CSMD1: variants seen among roughly 807,000 people sequenced by gnomAD.
CSMD1 encodes the protein CUB and sushi domain-containing protein 1.
In CSMD1, 213 loss-of-function variants were observed where a neutral mutation model predicts 417.5. The ratio of observed to expected loss-of-function variants is 0.51; its 90% confidence interval spans 0.46 to 0.57. CSMD1 has a LOEUF of 0.57. CSMD1 is among the 20% of genes least tolerant of loss of function. CSMD1 has a pLI of 0.00. For synonymous variants in CSMD1, 2,862 were observed against 1,736.8 expected (o/e 1.65, Z -16.11); for missense variants, 6,923 against 4,529.7 (o/e 1.53, Z -15.17).
At chr8:3,299,768 G>C (rs1487796434) in intron 25 of CSMD1, among the ~76,000 whole-genome samples, 2 of 152,100 alleles carry the variant, frequency 1.3e-5, no homozygotes, top group Admixed American at 6.5e-5. Context: ...ACATAGGAAA[G>C]GTATAAACAG....
chr8:3,291,178 C>T lies in CSMD1; in HGVS notation c.3951-6832G>A, dbSNP rs570543240. 9.4e-4 allele frequency among the ~76,000 whole-genome samples: 143 copies of T among 152,304 alleles called. 1 individual carries two copies. Among genetic ancestry groups the T allele is most frequent in the Admixed American group, 9.2e-3 (140 of 15,300 alleles). On this transcript the variant is annotated intron_variant, in intron 25 of 69. Coordinates refer to ENST00000635120, the MANE Select transcript of CSMD1 (RefSeq NM_033225.6). ...CCTTGCATCCCAGGGATGAAACCCA[C>T]TTGATCATTGTGGATAAACTTTTTG...
chr8:4,173,132 A>T (rs1159598204), intron 3 of CSMD1, among the ~76,000 whole-genome samples: 1 of 152,202 alleles, frequency 6.6e-6, no homozygotes, highest in African/African-American at 2.4e-5. Flanking sequence ...ATACAGTGCA[A>T]CAAGTATAGG....
intron 26 of CSMD1, among the ~76,000 whole-genome samples, chr8:3,271,211 G>C (rs1012916535): frequency 6.6e-6 from 1 of 151,746 alleles, no homozygotes; most frequent in Non-Finnish European, 1.5e-5. Context: ...AGTTTACTGA[G>C]AATGATGATT....
chr8:4,931,087 A>G (rs1282645667), intron 1 of CSMD1, among the ~76,000 whole-genome samples: 1 of 152,236 alleles, frequency 6.6e-6, no homozygotes, highest in African/African-American at 2.4e-5. Flanking sequence ...AAATTCAGGC[A>G]ATTATATAGA....
intron 2 of CSMD1, among the ~76,000 whole-genome samples, chr8:4,452,542 A>G (rs1799210860): frequency 6.6e-6 from 1 of 152,196 alleles, no homozygotes; most frequent in Non-Finnish European, 1.5e-5. Flanking sequence ...TATAAAAATA[A>G]TTCACTTTTT....
chr8:3,820,380 C>G (rs1801661445), intron 5 of CSMD1, among the ~76,000 whole-genome samples: 1 of 152,006 alleles, frequency 6.6e-6, no homozygotes, highest in South Asian at 2.1e-4. Flanking sequence ...AACTGAGTAC[C>G]AAAGAAGGAC....
Position 4,354,865 on chromosome 8 carries a change from AGTGTGTGTGTGTGT to A in CSMD1, c.415+65074_415+65087del, listed in dbSNP as rs59255397. 7.3e-3 allele frequency among the ~76,000 whole-genome samples: 951 copies of A among 129,502 alleles called. 8 individuals carry two copies. Among genetic ancestry groups the A allele is most frequent in the African/African-American group, 0.025 (877 of 35,708 alleles). 85.0% of individuals were successfully genotyped at this position (129,502 alleles called of 152,430 possible). A position where few individuals can be genotyped will look rare whatever the true frequency, so the allele number is the denominator to read the frequency against. The stretch of plus-strand genomic sequence containing the variant: ...GAGGGCAGGTAAATGAGGAAAATGT[AGTGTGTGTGTGTGT>A]GTGTGTGTGTGTGTGTGTGTGTGTG... On this transcript the variant is annotated intron_variant, in intron 3 of 69. Transcript: ENST00000635120.
chr8:4,188,719 T>C (rs923950994), intron 3 of CSMD1, among the ~76,000 whole-genome samples: 4 of 151,746 alleles, frequency 2.6e-5, no homozygotes, highest in African/African-American at 9.7e-5. Context: ...AAAAACATAA[T>C]AAACAATTTT....
intron 12 of CSMD1, among the ~76,000 whole-genome samples, chr8:3,420,508 G>A (rs956271735): frequency 2.6e-5 from 4 of 151,892 alleles, no homozygotes; most frequent in Admixed American, 6.6e-5. Flanking sequence ...TGTACCTAAC[G>A]ATATAAAGTA....
intron 2 of CSMD1, among the ~76,000 whole-genome samples, chr8:4,578,745 G>T (rs10103168): frequency 0.25 from 36,254 of 146,804 alleles, 5,119 homozygotes; most frequent in African/African-American, 0.38. Flanking sequence ...ACCTGGGAGG[G>T]GGAGGTTGCA....
chr8:3,367,151 A>G lies in CSMD1; in HGVS notation c.2996T>C (p.Leu999Pro). Residue 999 changes from leucine (L) to proline (P), a missense_variant, in exon 20 of 70, where the codon CTC becomes CCC. Leu to Pro is a moderately conservative substitution (Grantham distance 98). Transcript: ENST00000635120. ...CGTATGAGGCAACACCGACCCGGTG[A>G]GCCTGGCAACGGGCTCGGAAAAACT... ...DGSFSEPVAR[L>P]TGSVLPHTIK... 1 of 1,613,768 alleles carries G rather than the reference A, an allele frequency of 6.2e-7. No homozygotes were observed. The highest frequency in any genetic ancestry group is 1.6e-4 in the Middle Eastern group (1 of 6,062).
intron 5 of CSMD1, among the ~76,000 whole-genome samples, chr8:3,785,571 C>T (rs1424941019): frequency 2.0e-5 from 3 of 152,214 alleles, no homozygotes; most frequent in Non-Finnish European, 1.5e-5. Context: ...GTAAGCGGTG[C>T]TAAGAACACT....
chr8:3,825,584 A>T (rs943525771), intron 5 of CSMD1, among the ~76,000 whole-genome samples: 2 of 118,894 alleles, frequency 1.7e-5, no homozygotes, highest in African/African-American at 3.4e-5. Flanking sequence ...TACCTAGAAG[A>T]GTGGGGGAAG....
intron 3 of CSMD1, among the ~76,000 whole-genome samples, chr8:4,393,562 A>C (rs1220470919): frequency 1.3e-5 from 2 of 152,198 alleles, no homozygotes; most frequent in Admixed American, 6.5e-5. Context: ...AGCATGCAGC[A>C]AGAGAAAGGC....
At chr8:3,494,598 AGATAGATAGAT>A (rs1796287799) in intron 10 of CSMD1, among the ~76,000 whole-genome samples, 1 of 139,962 alleles carries the variant, frequency 7.1e-6, no homozygotes, top group African/African-American at 2.6e-5. Flanking sequence ...ATAGATAGAT[AGATAGATAGAT>A]GACAGATAGT....
At chr8:3,981,666 C>T (rs997972340) in intron 5 of CSMD1, among the ~76,000 whole-genome samples, 3 of 151,980 alleles carry the variant, frequency 2.0e-5, no homozygotes, top group Admixed American at 6.6e-5. Context: ...TCATAGTTTC[C>T]TTCTTTGACG....
chr8:4,811,814 T>G (rs1421642159), intron 1 of CSMD1, among the ~76,000 whole-genome samples: 1 of 152,090 alleles, frequency 6.6e-6, no homozygotes, highest in Admixed American at 6.6e-5. Flanking sequence ...TGCATAGACA[T>G]AGGAAAAGAT....
At chr8:4,050,928 AT>A (rs1798392345) in intron 3 of CSMD1, among the ~76,000 whole-genome samples, 2 of 152,116 alleles carry the variant, frequency 1.3e-5, no homozygotes, top group African/African-American at 4.8e-5. Context: ...AGTGACCTAT[AT>A]TCCCATCCAT....
At chr8:3,133,686 A>G (rs1364179307) in intron 41 of CSMD1, among the ~76,000 whole-genome samples, 1 of 152,118 alleles carries the variant, frequency 6.6e-6, no homozygotes, top group Non-Finnish European at 1.5e-5. Flanking sequence ...AGGCGAAGAG[A>G]CAGGAGGCTG....
Sources: gnomAD v4.1 joint callset for allele counts (sites outside exome capture counted in the v4.1 genomes callset) on GRCh38, gnomAD v4.1.1 for gene constraint, MANE v1.5 for transcripts, NCBI Gene and HGNC (gene_info 2026-07-23, HGNC 2026-07-21) for gene names.